Variants in CNNM2 observed in about 807,000 individuals in gnomAD.
CNNM2 encodes cyclin and CBS domain divalent metal cation transport mediator 2, also known as metal transporter CNNM2.
In CNNM2, 12 loss-of-function variants were observed where a neutral mutation model predicts 66.9. The ratio of observed to expected loss-of-function variants is 0.18; its 90% CI spans 0.11 to 0.29. CNNM2 has a LOEUF of 0.29. CNNM2 is among the 10% of genes least tolerant of loss of function. The pLI, the probability that CNNM2 is intolerant of heterozygous loss-of-function variation, is 1.00. For synonymous variants in CNNM2, 557 were observed against 501.8 expected (o/e 1.11, Z -1.47); for missense variants, 705 against 1,167.7 (o/e 0.60, Z 5.77).
At chr10:102,921,078 A>G in intron 1 of CNNM2, 1 of 974,102 alleles carries the variant, frequency 1.0e-6, no homozygotes, top group Non-Finnish European at 1.2e-6. Context: ...TATACAGTAC[A>G]TCATTTATAT....
chr10:102,982,029 C>A (rs1167089211), intron 1 of CNNM2, among the ~76,000 whole-genome samples: 1 of 151,976 alleles, frequency 6.6e-6, no homozygotes, highest in East Asian at 1.9e-4. Flanking sequence ...TGAAGTATAT[C>A]CACTACATAT....
At chr10:102,935,095 G>T (rs1455293586) in intron 1 of CNNM2, among the ~76,000 whole-genome samples, 1 of 149,380 alleles carries the variant, frequency 6.7e-6, no homozygotes, top group African/African-American at 2.5e-5. Flanking sequence ...GGAGGTGGAG[G>T]TTGCAGTGAG....
At position 103,083,061 on chromosome 10, in the gene CNNM2, C is replaced by T. The variant is rs1205533318; in HGVS notation, c.*5881C>T. On this transcript the variant is annotated 3_prime_UTR_variant, in exon 8 of 8. Transcript: ENST00000369878. ...TTTTGAGGCCCAGTGCCAACATTGC[C>T]TTGGCCCTCAAGTAAGACCCTGCTT... 3 of 152,176 alleles carry T rather than the reference C, an allele frequency of 2.0e-5. No individual in the cohort carries two copies. The South Asian group carries it at 6.2e-4, about 32-fold the overall frequency. The allele number at this position is 152,176 out of a possible 1,614,324, so 9.4% of individuals were successfully genotyped here. A position where few individuals can be genotyped will look rare whatever the true frequency, so the allele number is the denominator to read the frequency against.
At chr10:103,024,768 G>A (rs938597071) in intron 1 of CNNM2, among the ~76,000 whole-genome samples, 18 of 151,484 alleles carry the variant, frequency 1.2e-4, no homozygotes, top group African/African-American at 3.6e-4. Context: ...GTGAGCCACC[G>A]CACCCGGCCG....
At position 103,046,854 on chromosome 10, in the gene CNNM2, A is replaced by G. The variant is rs575313304; in HGVS notation, c.1622-2853A>G. On this transcript the variant is annotated intron_variant, in intron 1 of 7. Coordinates refer to ENST00000369878, the MANE Select transcript of CNNM2 (RefSeq NM_017649.5). ...TCAGCTTTTTTGGACAGTGATGGGT[A>G]TTCTCCTTTGATATTACATCAAAAC... 2.4e-4 allele frequency among the ~76,000 whole-genome samples: 37 copies of G among 152,288 alleles called. 1 individual carries two copies. In the South Asian group the frequency reaches 7.5e-3, roughly 31 times the overall value.
chr10:103,041,955 T>C (rs1362366871), intron 1 of CNNM2, among the ~76,000 whole-genome samples: 1 of 152,186 alleles, frequency 6.6e-6, no homozygotes, highest in African/African-American at 2.4e-5. Flanking sequence ...CTGTACTTGC[T>C]CAGTTTTTGT....
chr10:103,016,720 G>A (rs951351521), intron 1 of CNNM2, among the ~76,000 whole-genome samples: 9 of 152,158 alleles, frequency 5.9e-5, no homozygotes, highest in African/African-American at 2.2e-4. Flanking sequence ...ATCATTCAGT[G>A]CCTACTTGAT....
intron 1 of CNNM2, among the ~76,000 whole-genome samples, chr10:102,922,499 TATTA>T (rs1845683598): frequency 6.6e-6 from 1 of 152,170 alleles, no homozygotes; most frequent in Admixed American, 6.5e-5. Context: ...AATAACGGCG[TATTA>T]AATGGTTTGA....
chr10:102,925,633 T>A (rs930742477), intron 1 of CNNM2, among the ~76,000 whole-genome samples: 5 of 152,216 alleles, frequency 3.3e-5, no homozygotes, highest in Admixed American at 6.5e-5. Flanking sequence ...GCTGGTCTTC[T>A]GGTCCCAAGT....
rs972732063 is a variant in CNNM2, at chr10:103,085,752, C to T, written c.*8572C>T. 1.3e-5 allele frequency: 2 copies of T among 152,084 alleles called. No individual in the cohort carries two copies. The highest frequency in any genetic ancestry group is 3.9e-4 in the East Asian group (2 of 5,186). The allele number at this position is 152,084 out of a possible 1,614,324, so 9.4% of individuals were successfully genotyped here. On this transcript the variant is annotated 3_prime_UTR_variant, in exon 8 of 8. Coordinates refer to ENST00000369878, the MANE Select transcript of CNNM2 (RefSeq NM_017649.5). ...AAATGTTTGTGTTCAATGGGGAGTA[C>T]TTTTTTGTGTTAAAGCTCTACAGAG...
intron 1 of CNNM2, among the ~76,000 whole-genome samples, chr10:103,031,941 A>C (rs1204906578): frequency 6.6e-6 from 1 of 152,144 alleles, no homozygotes; most frequent in African/African-American, 2.4e-5. Context: ...AGGAAGTGAA[A>C]TATTGAGCAT....
chr10:103,076,930 C>T lies in CNNM2; in HGVS notation c.2419-41C>T, dbSNP rs374232285. 1.9e-3 allele frequency: 2,984 copies of T among 1,560,382 alleles called. 3 individuals are homozygous for T. Among genetic ancestry groups the T allele is most frequent in the Non-Finnish European group, 2.4e-3 (2,760 of 1,134,382 alleles). ...GGAGATCAGAGAACCTAAAAATAAGCATTATCTTGGTTTGTTTTCTGTGCC... is the reference window on the plus strand; with the variant it reads ...GGAGATCAGAGAACCTAAAAATAAGTATTATCTTGGTTTGTTTTCTGTGCC... On this transcript the variant is annotated intron_variant, in intron 7 of 7. Coordinates refer to ENST00000369878, the MANE Select transcript of CNNM2 (RefSeq NM_017649.5).
Position 103,026,959 on chromosome 10 carries a change from G to A in CNNM2, c.1622-22748G>A, listed in dbSNP as rs536958521. ...TGCTTAGCATATAGTGAGTGCTCAA[G>A]AAAAATACTTGTTGAATGAATTCAT... On this transcript the variant is annotated intron_variant, in intron 1 of 7. Coordinates refer to ENST00000369878, the MANE Select transcript of CNNM2 (RefSeq NM_017649.5). Among the ~76,000 whole-genome samples the A allele has an allele frequency of 2.0e-5, 3 of 152,324 alleles. No homozygotes were observed. The South Asian group carries it at 6.2e-4, about 32-fold the overall frequency.
At chr10:102,926,620 A>G (rs1845869770) in intron 1 of CNNM2, among the ~76,000 whole-genome samples, 1 of 151,696 alleles carries the variant, frequency 6.6e-6, no homozygotes, top group Non-Finnish European at 1.5e-5. Context: ...AGCATAGCTC[A>G]CTGCAGCCTC....
intron 4 of CNNM2, among the ~76,000 whole-genome samples, chr10:103,065,741 C>A (rs950276017): frequency 1.3e-5 from 2 of 152,168 alleles, no homozygotes; most frequent in Non-Finnish European, 2.9e-5. Flanking sequence ...GTCACGCAGC[C>A]ACTCTTGAGG....
chr10:102,949,771 CAA>C (rs1472637827), intron 1 of CNNM2, among the ~76,000 whole-genome samples: 2 of 151,970 alleles, frequency 1.3e-5, no homozygotes, highest in African/African-American at 2.4e-5. Flanking sequence ...GCTTGGGCAA[CAA>C]GAGTGAAACT....
At position 103,049,864 on chromosome 10, in the gene CNNM2, T is replaced by A. The variant is rs1564861100; in HGVS notation, c.1765+14T>A. 6.2e-7 allele frequency: 1 copy of A among 1,610,078 alleles called. No homozygotes were observed. On this transcript the variant is annotated intron_variant, in intron 2 of 7. Transcript: ENST00000369878. ...CAGATTTATACAGTAAGTAGCATTG[T>A]CTGAGTGTATTTCCCGAAACCTTTG...
chr10:102,930,674 G>A (rs1465128131), intron 1 of CNNM2, among the ~76,000 whole-genome samples: 3 of 152,212 alleles, frequency 2.0e-5, no homozygotes, highest in Non-Finnish European at 2.9e-5. Flanking sequence ...TCATCACCCC[G>A]AAAGAAACTC....
intron 1 of CNNM2, among the ~76,000 whole-genome samples, chr10:103,009,418 A>G (rs926172728): frequency 6.6e-6 from 1 of 152,180 alleles, no homozygotes; most frequent in African/African-American, 2.4e-5. Flanking sequence ...TAGGCTGGGT[A>G]TGATGGCTGA....
Sources: gnomAD v4.1 joint callset for allele counts (sites outside exome capture counted in the v4.1 genomes callset) on GRCh38, gnomAD v4.1.1 for gene constraint, MANE v1.5 for transcripts, NCBI Gene and HGNC (gene_info 2026-07-23, HGNC 2026-07-21) for gene names.